ANGPTL1: variants seen among roughly 807,000 people sequenced by gnomAD.
ANGPTL1 encodes the protein angiopoietin like 1, also known as angiopoietin-related protein 1.
ANGPTL1 carries 36 observed loss-of-function variants against 46.7 expected under a neutral mutation model. The ratio of observed to expected loss-of-function variants is 0.77; its 90% CI spans 0.59 to 1.02. The LOEUF (loss-of-function observed/expected upper bound fraction) is 1.02. Among genes scored for constraint, ANGPTL1 ranks in the 50% least tolerant of loss-of-function variants. The pLI, the probability that ANGPTL1 is intolerant of heterozygous loss-of-function variation, is 0.00. For missense variants in ANGPTL1, 571 were observed against 594.7 expected, an observed-to-expected ratio of 0.96 and a Z score of 0.41; for synonymous variants, 221 against 204.3, an observed-to-expected ratio of 1.08 and a Z score of -0.69.
chr1:178,866,193 C>T (rs1389660856), intron 2 of ANGPTL1, among the ~76,000 whole-genome samples: 1 of 152,106 alleles, frequency 6.6e-6, no homozygotes, highest in Non-Finnish European at 1.5e-5. Flanking sequence ...GAAAATGGTA[C>T]ACAGTGTTTG....
rs1544124 is a variant in ANGPTL1 at position 178,851,024 on chromosome 1, C to A, written c.*105G>T. On this transcript the variant is annotated 3_prime_UTR_variant, in exon 6 of 6. Transcript: ENST00000234816. Reference sequence around the variant, plus strand: ...CGGTAAAATTCATTTTAAAAACTTTCTGTGTAGAAATAAATTGTGCCAAGT... The same window carrying A: ...CGGTAAAATTCATTTTAAAAACTTTATGTGTAGAAATAAATTGTGCCAAGT... 0.58 allele frequency: 623,263 copies of A among 1,078,706 alleles called. 182,477 individuals carry two copies. The highest frequency in any genetic ancestry group is 0.77 in the African/African-American group (47,785 of 61,912). 66.8% of individuals were successfully genotyped at this position (1,078,706 alleles called of 1,614,324 possible).
Position 178,849,693 on chromosome 1 carries a change from A to G in ANGPTL1, c.*1436T>C, listed in dbSNP as rs1288046861. 3.3e-5 allele frequency: 5 copies of G among 152,216 alleles called. No homozygotes were observed. The highest frequency in any genetic ancestry group is 7.3e-5 in the Non-Finnish European group (5 of 68,036). The allele number at this position is 152,216 out of a possible 1,614,324, so 9.4% of individuals were successfully genotyped here. On this transcript the variant is annotated 3_prime_UTR_variant, in exon 6 of 6. Transcript: ENST00000234816. ...AAGATGACCACAGGTAAAACAAAGA[A>G]TAATACCACTATGAGGTTTGGATAT...
At chr1:178,863,309 A>C (rs1190866182) in intron 3 of ANGPTL1, among the ~76,000 whole-genome samples, 1 of 152,240 alleles carries the variant, frequency 6.6e-6, no homozygotes, top group Non-Finnish European at 1.5e-5. Flanking sequence ...ACATTAATCA[A>C]AACAGAGATG....
chr1:178,854,205 T>C (rs1046644004), intron 3 of ANGPTL1, among the ~76,000 whole-genome samples: 6 of 152,110 alleles, frequency 3.9e-5, no homozygotes, highest in East Asian at 1.9e-4. Context: ...TTCATTCTTA[T>C]TGAATTCATT....
rs78108737 is a variant in ANGPTL1 at position 178,854,411 on chromosome 1, T to C, written c.824-624A>G. Among the ~76,000 whole-genome samples, 924 of 152,254 alleles carry C rather than the reference T, an allele frequency of 6.1e-3. 9 individuals carry two copies. The highest frequency in any genetic ancestry group is 0.021 in the African/African-American group (883 of 41,556). ...AATGCAAAATATTATGTTTCCCTTT[T>C]GGAAATTCTCAATGTACATTCACAT... is the stretch of plus-strand genomic sequence containing the variant. On this transcript the variant is annotated intron_variant, in intron 3 of 5. Coordinates refer to ENST00000234816, the MANE Select transcript of ANGPTL1 (RefSeq NM_004673.4).
chr1:178,870,414 A>G (rs114040281), intron 1 of ANGPTL1, among the ~76,000 whole-genome samples: 6 of 152,166 alleles, frequency 3.9e-5, no homozygotes. Flanking sequence ...TGTAAGCCTT[A>G]TACATTTAAT....
chr1:178,859,595 C>T (rs1463248166), intron 3 of ANGPTL1, among the ~76,000 whole-genome samples: 2 of 150,646 alleles, frequency 1.3e-5, no homozygotes, highest in African/African-American at 4.9e-5. Flanking sequence ...CATTTATGTC[C>T]TCATATACCT....
At chr1:178,854,301 A>T (rs1015561117) in intron 3 of ANGPTL1, among the ~76,000 whole-genome samples, 1 of 152,182 alleles carries the variant, frequency 6.6e-6, no homozygotes, top group Non-Finnish European at 1.5e-5. Flanking sequence ...TACCCAAGTT[A>T]CAGTTTTGGA....
At position 178,851,225 on chromosome 1, in the gene ANGPTL1, G is replaced by C; in HGVS notation, c.1380C>G (p.Tyr460Ter). 6.2e-7 allele frequency: 1 copy of C among 1,614,004 alleles called. No homozygotes were observed. Among genetic ancestry groups the C allele is most frequent in the Non-Finnish European group, 8.5e-7 (1 of 1,179,934 alleles). Reference sequence around the variant, plus strand: ...AAATTCCATCTTGGTGCTTGCTTCTGTAATGGCCTCCTCTGTACCATACTC... The same window carrying C: ...AAATTCCATCTTGGTGCTTGCTTCTCTAATGGCCTCCTCTGTACCATACTC... Reference protein sequence around the residue: ...LNGVWYRGGHYRSKHQDGIFW... With the variant: ...LNGVWYRGGH Residue 460 changes from tyrosine to a stop codon, truncating the protein, a stop_gained, in exon 6 of 6, where the codon TAC becomes TAG. Transcript: ENST00000234816. LOFTEE classifies it high-confidence loss of function.
chr1:178,869,955 T>A (rs1205869724), intron 1 of ANGPTL1, among the ~76,000 whole-genome samples: 4 of 152,098 alleles, frequency 2.6e-5, no homozygotes, highest in Non-Finnish European at 5.9e-5. Flanking sequence ...TTACATATTT[T>A]TGGCCTTTTA....
Position 178,851,284 on chromosome 1 carries a change from A to T in ANGPTL1, c.1321T>A (p.Trp441Arg). The T allele has an allele frequency of 6.2e-7, 1 of 1,611,808 alleles. No individual in the cohort carries two copies. Among genetic ancestry groups the T allele is most frequent in the Non-Finnish European group, 8.5e-7 (1 of 1,179,344 alleles). ...TTAGAATGTGCACAGGCATTGTACC[A>T]CCAGCCTCCTTTATGAAAGTGGGCG... Reference protein sequence around the residue: ...NCAHFHKGGWWYNACAHSNLN... With the variant: ...NCAHFHKGGWRYNACAHSNLN... Residue 441 changes from tryptophan to arginine, a missense_variant, in exon 6 of 6, where the codon TGG becomes AGG. Transcript: ENST00000234816.
At chr1:178,856,287 G>A (rs1374092303) in intron 3 of ANGPTL1, among the ~76,000 whole-genome samples, 1 of 144,280 alleles carries the variant, frequency 6.9e-6, no homozygotes, top group East Asian at 2.0e-4. Flanking sequence ...GAGTGCAGTG[G>A]TGTAGTCATA....
chr1:178,862,634 G>GATTTAT (rs1466813784), intron 3 of ANGPTL1, among the ~76,000 whole-genome samples: 14 of 125,850 alleles, frequency 1.1e-4, no homozygotes, highest in Admixed American at 4.9e-4. Context: ...TATTTATTTG[G>GATTTAT]TTGGTTGGTT....
chr1:178,860,332 A>C (rs1657915139), intron 3 of ANGPTL1, among the ~76,000 whole-genome samples: 1 of 152,156 alleles, frequency 6.6e-6, no homozygotes, highest in South Asian at 2.1e-4. Flanking sequence ...TGTTTGAAAA[A>C]TGTTTTTTAT....
At chr1:178,863,636 G>T (rs1368058951) in intron 3 of ANGPTL1, among the ~76,000 whole-genome samples, 2 of 152,188 alleles carry the variant, frequency 1.3e-5, no homozygotes, top group African/African-American at 4.8e-5. Context: ...TCTAGCTTTG[G>T]TTAAATCAGG....
intron 3 of ANGPTL1, among the ~76,000 whole-genome samples, chr1:178,854,767 CAT>C (rs1657417761): frequency 6.6e-6 from 1 of 152,092 alleles, no homozygotes; most frequent in Admixed American, 6.6e-5. Context: ...CATTTGCCCT[CAT>C]GTTATTTCAT....
chr1:178,865,184 TC>T lies in ANGPTL1; in HGVS notation c.592del (p.Glu198AsnfsTer4). ...NQSVMITLLE[E>X]QCLRIFSRQD... ...TCGGGAAAATATCCTCAAGCACTGTTCTTCCAACAAAGTGATCATCACAGAT... is the reference window on the plus strand; with the variant it reads ...TCGGGAAAATATCCTCAAGCACTGTTTTCCAACAAAGTGATCATCACAGAT... On this transcript the variant is annotated frameshift_variant, in exon 3 of 6. Transcript: ENST00000234816. LOFTEE classifies it high-confidence loss of function. 1 of 1,613,198 alleles carries T rather than the reference TC, an allele frequency of 6.2e-7. No homozygotes were observed. The highest frequency in any genetic ancestry group is 8.5e-7 in the Non-Finnish European group (1 of 1,179,356).
rs891282188 is a variant in ANGPTL1 at position 178,863,150 on chromosome 1, A to G, written c.823+1804T>C. Among the ~76,000 whole-genome samples, 35 of 152,126 alleles carry G rather than the reference A, an allele frequency of 2.3e-4. 1 individual carries two copies. The highest frequency in any genetic ancestry group is 7.5e-4 in the African/African-American group (31 of 41,432). On this transcript the variant is annotated intron_variant, in intron 3 of 5. Transcript: ENST00000234816. ...CTAGCTGCTGCTGTGGATCATTTGA[A>G]TCTAAACAAGAGTTCTGGCTCTGAA...
chr1:178,856,841 A>AT (rs1277983251), intron 3 of ANGPTL1, among the ~76,000 whole-genome samples: 1 of 152,196 alleles, frequency 6.6e-6, no homozygotes, highest in Non-Finnish European at 1.5e-5. Context: ...GAAAAACCTC[A>AT]TGTTCTGCAA....
Sources: allele counts gnomAD v4.1 joint callset (sites outside exome capture counted in the v4.1 genomes callset), GRCh38; gene constraint gnomAD v4.1.1; transcripts MANE v1.5; gene names NCBI Gene and HGNC (gene_info 2026-07-23, HGNC 2026-07-21).